The following NBEA variants were observed in gnomAD, a reference collection of about 807,000 sequenced individuals.
The protein encoded by NBEA is lysosomal-trafficking regulator 2.
A neutral mutation model predicts 343.4 loss-of-function variants in NBEA; 44 were observed. That is an observed-to-expected ratio of 0.13 (90% confidence interval 0.10 to 0.16). The LOEUF (loss-of-function observed/expected upper bound fraction) is 0.16. Ranked by LOEUF, NBEA falls within the 10% of genes least tolerant of loss-of-function variation. NBEA has a pLI of 1.00. For missense variants in NBEA, 2,555 were observed against 3,631.3 expected, an observed-to-expected ratio of 0.70 and a Z score of 7.62; for synonymous variants, 1,175 against 1,238.7, an observed-to-expected ratio of 0.95 and a Z score of 1.08.
intron 1 of NBEA, among the ~76,000 whole-genome samples, chr13:35,020,665 G>T (rs910534410): frequency 6.6e-6 from 1 of 152,010 alleles, no homozygotes; most frequent in African/African-American, 2.4e-5. Flanking sequence ...CTACAGCTGC[G>T]TGCCACCACA....
chr13:35,136,529 TG>T (rs2067738143), intron 17 of NBEA, among the ~76,000 whole-genome samples: 1 of 152,136 alleles, frequency 6.6e-6, no homozygotes, highest in African/African-American at 2.4e-5. Context: ...TGACAGAGAA[TG>T]ATAACACTAA....
intron 38 of NBEA, among the ~76,000 whole-genome samples, chr13:35,422,092 GT>G (rs566959976): frequency 2.7e-3 from 254 of 93,104 alleles, no homozygotes; most frequent in East Asian, 0.023. Flanking sequence ...TTGTTTGTTT[GT>G]TTTTTTTTTT....
At chr13:35,496,497 A>G (rs893207895) in intron 41 of NBEA, among the ~76,000 whole-genome samples, 6 of 151,604 alleles carry the variant, frequency 4.0e-5, no homozygotes, top group Non-Finnish European at 5.9e-5. Context: ...AGCCAGGCAT[A>G]GTGGTGCACA....
At chr13:35,274,660 G>A (rs2034445267) in intron 34 of NBEA, among the ~76,000 whole-genome samples, 1 of 152,164 alleles carries the variant, frequency 6.6e-6, no homozygotes, top group Non-Finnish European at 1.5e-5. Flanking sequence ...AGCAACTTCA[G>A]CAAAGACTCA....
At chr13:35,098,444 A>G (rs1251701315) in intron 11 of NBEA, 39 bp downstream of exon 11, 3 of 1,395,446 alleles carry the variant, frequency 2.1e-6, no homozygotes, top group Non-Finnish European at 3.0e-6. Context: ...GTGTAGCTTC[A>G]CAGTTGGACA....
At position 35,232,473 on chromosome 13, in the gene NBEA, TA is replaced by T; in HGVS notation, c.5649-18del. On this transcript the variant is annotated intron_variant, in intron 33 of 58. Coordinates refer to ENST00000379939, the MANE Select transcript of NBEA (RefSeq NM_001385012.1). Reference sequence around the variant, plus strand: ...ATATTGAATTATATTTATTAGTTTTTATGTCTTAATTTCAACAGCATCACTG... The same window carrying T: ...ATATTGAATTATATTTATTAGTTTTTTGTCTTAATTTCAACAGCATCACTG... The T allele has an allele frequency of 6.7e-7, 1 of 1,488,066 alleles. No individual in the cohort carries two copies. Among genetic ancestry groups the T allele is most frequent in the Admixed American group, 2.2e-5 (1 of 45,610 alleles). The allele number at this position is 1,488,066 out of a possible 1,614,324, so 92.2% of individuals were successfully genotyped here.
chr13:35,648,891 G>A (rs9544887), intron 51 of NBEA, among the ~76,000 whole-genome samples: 18,833 of 150,552 alleles, frequency 0.13, 1,340 homozygotes, highest in South Asian at 0.18. Flanking sequence ...GGGAGCATCA[G>A]GAAGAACAGC....
chr13:35,620,734 G>A (rs988483968), intron 48 of NBEA, among the ~76,000 whole-genome samples: 3 of 151,922 alleles, frequency 2.0e-5, no homozygotes, highest in Non-Finnish European at 4.4e-5. Flanking sequence ...AGAGATGATG[G>A]TGGCTTGGAC....
At chr13:35,467,479 T>A (rs9315345) in intron 40 of NBEA, among the ~76,000 whole-genome samples, 144,936 of 149,464 alleles carry the variant, frequency 0.97, 70,363 homozygotes, top group South Asian at 1. Flanking sequence ...CTAAAAAAAA[T>A]AAAAGAGTCC....
At chr13:35,286,311 G>A (rs1223467237) in intron 34 of NBEA, among the ~76,000 whole-genome samples, 1 of 152,072 alleles carries the variant, frequency 6.6e-6, no homozygotes, top group Non-Finnish European at 1.5e-5. Context: ...AGTTGATAGT[G>A]AATGATGATT....
chr13:35,416,588 A>G (rs1298267725), intron 38 of NBEA, among the ~76,000 whole-genome samples: 1 of 152,158 alleles, frequency 6.6e-6, no homozygotes, highest in Non-Finnish European at 1.5e-5. Context: ...GATGAAGCCA[A>G]CTTGATCGTG....
chr13:35,567,131 T>A lies in NBEA; in HGVS notation c.7035+114T>A, dbSNP rs2080174006. On this transcript the variant is annotated intron_variant, in intron 45 of 58. Transcript: ENST00000379939. The stretch of plus-strand genomic sequence containing the variant: ...TTGTAAGAAGGTGAAACTGATTATC[T>A]TGACTTACATAGTCAGTTTCTAAAT... 7.5e-6 allele frequency: 4 copies of A among 536,032 alleles called. No homozygotes were observed. The Admixed American group carries it at 1.3e-4, about 18-fold the overall frequency. The allele number at this position is 536,032 out of a possible 1,614,324, so 33.2% of individuals were successfully genotyped here. A position where few individuals can be genotyped will look rare whatever the true frequency, so the allele number is the denominator to read the frequency against.
At chr13:35,237,833 T>C (rs1220451776) in intron 34 of NBEA, among the ~76,000 whole-genome samples, 1 of 152,222 alleles carries the variant, frequency 6.6e-6, no homozygotes, top group Non-Finnish European at 1.5e-5. Context: ...TTTAAATTAT[T>C]TCTTATGGGA....
intron 10 of NBEA, among the ~76,000 whole-genome samples, chr13:35,083,494 A>G (rs181068465): frequency 1.5e-3 from 232 of 152,288 alleles, no homozygotes; most frequent in African/African-American, 5.4e-3. Context: ...CCAGAACTTC[A>G]TATCCAGCCA....
At chr13:35,246,473 G>A (rs934878855) in intron 34 of NBEA, among the ~76,000 whole-genome samples, 2 of 152,108 alleles carry the variant, frequency 1.3e-5, no homozygotes, top group African/African-American at 2.4e-5. Flanking sequence ...TGTTCCACGC[G>A]GTGCTCCCTT....
intron 40 of NBEA, among the ~76,000 whole-genome samples, chr13:35,467,814 A>G (rs568937795): frequency 5.9e-5 from 9 of 152,346 alleles, no homozygotes; most frequent in Non-Finnish European, 1.3e-4. Flanking sequence ...AAGAAAATCC[A>G]TATAGCTAAT....
intron 18 of NBEA, among the ~76,000 whole-genome samples, chr13:35,143,424 C>CAAGAA (rs1480498965): frequency 3.3e-5 from 5 of 152,186 alleles, no homozygotes; most frequent in African/African-American, 7.2e-5. Flanking sequence ...CATGTCAAAA[C>CAAGAA]AAGAAAAGAA....
intron 18 of NBEA, among the ~76,000 whole-genome samples, chr13:35,148,593 A>G (rs1291824255): frequency 6.6e-6 from 1 of 152,222 alleles, no homozygotes; most frequent in Non-Finnish European, 1.5e-5. Context: ...ACTGATTAAT[A>G]CTTAAGAATA....
intron 16 of NBEA, among the ~76,000 whole-genome samples, chr13:35,121,974 C>G (rs1401877703): frequency 6.6e-6 from 1 of 152,032 alleles, no homozygotes; most frequent in Non-Finnish European, 1.5e-5. Flanking sequence ...GAATTTGTTG[C>G]CAGTGTATAT....
Sources: allele counts gnomAD v4.1 joint callset (sites outside exome capture counted in the v4.1 genomes callset), GRCh38; gene constraint gnomAD v4.1.1; transcripts MANE v1.5; gene names NCBI Gene and HGNC (gene_info 2026-07-23, HGNC 2026-07-21).